Variants in DLG2 observed in about 807,000 individuals in gnomAD.
DLG2 encodes the protein discs large MAGUK scaffold protein 2.
A neutral mutation model predicts 132.5 loss-of-function variants in DLG2; 45 were observed. The observed-to-expected ratio is 0.34, with a 90% CI of 0.27 to 0.44. The LOEUF (loss-of-function observed/expected upper bound fraction) is 0.44, where lower values mean the gene tolerates loss of function less well. Among genes scored for constraint, DLG2 ranks in the 20% least tolerant of loss-of-function variants. The pLI is 1.00. For synonymous variants in DLG2, 424 were observed against 419.6 expected (o/e 1.01, Z -0.13); for missense variants, 1,045 against 1,196.9 (o/e 0.87, Z 1.87).
chr11:84,731,018 T>A (rs1049746261), intron 6 of DLG2, among the ~76,000 whole-genome samples: 15 of 152,072 alleles, frequency 9.9e-5, no homozygotes, highest in African/African-American at 3.6e-4. Context: ...CCACCTAGAT[T>A]CTTATGTCCA....
At chr11:84,062,095 C>G (rs539750655) in intron 10 of DLG2, among the ~76,000 whole-genome samples, 1 of 152,112 alleles carries the variant, frequency 6.6e-6, no homozygotes, top group East Asian at 1.9e-4. Context: ...CTATATATAT[C>G]TATTCAAACT....
chr11:84,853,231 G>C (rs866421407), intron 6 of DLG2, among the ~76,000 whole-genome samples: 1 of 151,894 alleles, frequency 6.6e-6, no homozygotes. Context: ...TACATTATTT[G>C]TCTGGAGGCT....
At chr11:85,306,698 A>G (rs1205477525) in intron 3 of DLG2, among the ~76,000 whole-genome samples, 1 of 151,990 alleles carries the variant, frequency 6.6e-6, no homozygotes, top group Non-Finnish European at 1.5e-5. Context: ...AGCCTCCCCT[A>G]AGTAGCTGGG....
At chr11:85,108,722 G>A (rs1027486789) in intron 6 of DLG2, among the ~76,000 whole-genome samples, 1 of 151,968 alleles carries the variant, frequency 6.6e-6, no homozygotes, top group Non-Finnish European at 1.5e-5. Context: ...ACTAGCTCTA[G>A]GGGAGACTCA....
intron 6 of DLG2, among the ~76,000 whole-genome samples, chr11:84,935,083 G>T (rs919181359): frequency 6.6e-6 from 1 of 152,066 alleles, no homozygotes; most frequent in Non-Finnish European, 1.5e-5. Context: ...AAATCTAGCA[G>T]TCACCTCTGA....
At position 85,463,392 on chromosome 11, in the gene DLG2, A is replaced by G. The variant is rs184071114; in HGVS notation, c.40+135265T>C. ...GAAAATGTCTATGAAAACAGAAAGC[A>G]TCAAAAGATTCACAATAGGTTAGTA... On this transcript the variant is annotated intron_variant, in intron 3 of 27. Transcript: ENST00000376104. 1.1e-4 allele frequency among the ~76,000 whole-genome samples: 16 copies of G among 152,376 alleles called. 1 individual carries two copies. In the East Asian group the frequency reaches 3.1e-3, roughly 29 times the overall value.
At chr11:85,323,592 AACTTATTCCT>A (rs1413966993) in intron 3 of DLG2, among the ~76,000 whole-genome samples, 1 of 152,190 alleles carries the variant, frequency 6.6e-6, no homozygotes, top group Admixed American at 6.5e-5. Context: ...CAAACACTAG[AACTTATTCCT>A]TCTACCTAAC....
At chr11:84,968,608 T>G (rs1223070929) in intron 6 of DLG2, among the ~76,000 whole-genome samples, 1 of 152,216 alleles carries the variant, frequency 6.6e-6, no homozygotes, top group Non-Finnish European at 1.5e-5. Context: ...GTATGTTACT[T>G]TCTTATGGAA....
In DLG2 at chr11:84,203,186, C is replaced by G. The variant is rs181708821; in HGVS notation, c.574-39675G>C. ...CATGTATGTTCAGTGCAGCACTGTTCACAATAGCAAAGGCATGGAACCAAC... is the reference window on the plus strand; with the variant it reads ...CATGTATGTTCAGTGCAGCACTGTTGACAATAGCAAAGGCATGGAACCAAC... On this transcript the variant is annotated intron_variant, in intron 8 of 27. Coordinates refer to ENST00000376104, the MANE Select transcript of DLG2 (RefSeq NM_001142699.3). Among the ~76,000 whole-genome samples the G allele has an allele frequency of 4.0e-3, 603 of 152,220 alleles. 1 individual carries two copies. The highest frequency in any genetic ancestry group is 6.6e-3 in the Non-Finnish European group (448 of 68,016).
chr11:84,745,397 G>C (rs7101982), intron 6 of DLG2, among the ~76,000 whole-genome samples: 56,463 of 151,964 alleles, frequency 0.37, 11,745 homozygotes, highest in Non-Finnish European at 0.49. Flanking sequence ...TCCTGGTCTG[G>C]CCATATGACA....
chr11:84,133,773 G>A (rs899048025), intron 9 of DLG2, among the ~76,000 whole-genome samples: 1 of 151,910 alleles, frequency 6.6e-6, no homozygotes, highest in African/African-American at 2.4e-5. Flanking sequence ...ACACCCCTAT[G>A]CCCAGGTAAA....
At chr11:85,279,752 C>A (rs535238281) in intron 4 of DLG2, among the ~76,000 whole-genome samples, 1 of 152,066 alleles carries the variant, frequency 6.6e-6, no homozygotes, top group East Asian at 1.9e-4. Flanking sequence ...ATTTAAATGT[C>A]AAGAGCCTCA....
At chr11:84,762,011 T>C (rs1203114274) in intron 6 of DLG2, 1 of 152,154 alleles carries the variant, frequency 6.6e-6, no homozygotes, top group Non-Finnish European at 1.5e-5. Flanking sequence ...CACATGTATA[T>C]TTATATAAAA....
chr11:83,899,343 T>C (rs577595633), intron 15 of DLG2, among the ~76,000 whole-genome samples: 10 of 152,190 alleles, frequency 6.6e-5, no homozygotes, highest in Non-Finnish European at 1.2e-4. Flanking sequence ...AAAAGCTCAG[T>C]CATGTAGGAT....
intron 10 of DLG2, among the ~76,000 whole-genome samples, chr11:84,087,844 G>T (rs1201207243): frequency 6.6e-6 from 1 of 152,204 alleles, no homozygotes. Flanking sequence ...ATCTCAGTGA[G>T]TCTGATTTTG....
intron 3 of DLG2, among the ~76,000 whole-genome samples, chr11:85,559,818 T>TGACA (rs2077133759): frequency 6.9e-6 from 1 of 144,328 alleles, no homozygotes; most frequent in African/African-American, 2.5e-5. Context: ...GTTAGATGAT[T>TGACA]GATAGATAGA....
chr11:84,827,661 C>A (rs1290729866), intron 6 of DLG2, among the ~76,000 whole-genome samples: 2 of 76,150 alleles, frequency 2.6e-5, no homozygotes, highest in East Asian at 3.5e-4. Context: ...AAGGCTGGAA[C>A]TGAGTACATA....
At chr11:85,380,954 C>G (rs779397793) in intron 3 of DLG2, among the ~76,000 whole-genome samples, 8 of 152,196 alleles carry the variant, frequency 5.3e-5, no homozygotes, top group Admixed American at 2.6e-4. Flanking sequence ...TGAGTAGCAT[C>G]GGCTAAGAGT....
intron 3 of DLG2, among the ~76,000 whole-genome samples, chr11:85,295,623 G>A (rs569283593): frequency 2.9e-4 from 44 of 152,246 alleles, no homozygotes; most frequent in African/African-American, 1.0e-3. Flanking sequence ...GCAACAGTAT[G>A]CATAATAGAA....
Sources: allele counts gnomAD v4.1 joint callset (sites outside exome capture counted in the v4.1 genomes callset), GRCh38; gene constraint gnomAD v4.1.1; transcripts MANE v1.5; gene names NCBI Gene and HGNC (gene_info 2026-07-23, HGNC 2026-07-21).